The following ZBED4 variants were observed in gnomAD, a reference collection of about 807,000 sequenced individuals.
The protein encoded by ZBED4 is zinc finger BED-type containing 4, also known as zinc finger BED domain-containing protein 4.
In ZBED4, 4 loss-of-function variants were observed where a neutral mutation model predicts 15.5. That is an observed-to-expected ratio of 0.26 (90% CI 0.13 to 0.59). The LOEUF is 0.59. Among genes scored for constraint, ZBED4 ranks in the 20% least tolerant of loss-of-function variants. The pLI is 0.90. For missense variants in ZBED4, 1,323 were observed against 1,461.8 expected, an observed-to-expected ratio of 0.91 and a Z score of 1.55; for synonymous variants, 692 against 608.5, an observed-to-expected ratio of 1.14 and a Z score of -2.02.
chr22:49,860,981 G>C (rs1398178959), intron 1 of ZBED4, among the ~76,000 whole-genome samples: 1 of 107,746 alleles, frequency 9.3e-6, no homozygotes, highest in Non-Finnish European at 2.1e-5. Flanking sequence ...GTTTCACTAT[G>C]TTGCCCAGGC....
Position 49,886,939 on chromosome 22 carries a change from G to A in ZBED4, c.3277G>A (p.Val1093Met), listed in dbSNP as rs749652395. ...AMVLAYLEEE[V>M]LEHSCDPLTY... Reference sequence around the variant, plus strand: ...GGTGCTTGCGTATCTGGAGGAGGAGGTGCTTGAACACAGCTGTGACCCGCT... The same window carrying A: ...GGTGCTTGCGTATCTGGAGGAGGAGATGCTTGAACACAGCTGTGACCCGCT... The change falls in exon 2 of 2, where the codon GTG becomes ATG. Residue 1093 changes from valine to methionine, a missense_variant. Physicochemically the swap from Val to Met is conservative, Grantham distance 21. Around this residue, in one of 6 missense-constraint regions of ZBED4, gnomAD observed 312 missense variants for 410.7 expected, o/e 0.76. Coordinates refer to ENST00000216268, the MANE Select transcript of ZBED4 (RefSeq NM_014838.3). The surrounding 1 kb of genome is among the most constrained non-coding windows in gnomAD (Gnocchi z 7.7). The A allele has an allele frequency of 1.9e-5, 31 of 1,613,982 alleles. No homozygotes were observed. Among genetic ancestry groups the A allele is most frequent in the Non-Finnish European group, 2.5e-5 (29 of 1,180,028 alleles).
chr22:49,879,954 T>A (rs1294766493), intron 1 of ZBED4, among the ~76,000 whole-genome samples: 1 of 149,258 alleles, frequency 6.7e-6, no homozygotes, highest in East Asian at 2.0e-4. Context: ...TTGGTTGGTT[T>A]TTCTCCTGGT....
At chr22:49,863,091 A>G (rs969018172) in intron 1 of ZBED4, among the ~76,000 whole-genome samples, 2 of 152,154 alleles carry the variant, frequency 1.3e-5, no homozygotes, top group African/African-American at 4.8e-5. Context: ...GGACTCGTGC[A>G]TCTCACGGTC....
chr22:49,874,471 T>G (rs765906398), intron 1 of ZBED4, among the ~76,000 whole-genome samples: 1 of 151,370 alleles, frequency 6.6e-6, no homozygotes, highest in Admixed American at 6.6e-5. Context: ...CTGCAACTTC[T>G]GCCTCCCAGG....
intron 1 of ZBED4, among the ~76,000 whole-genome samples, chr22:49,869,772 G>A (rs757546857): frequency 1.3e-5 from 2 of 152,134 alleles, no homozygotes; most frequent in African/African-American, 2.4e-5. Flanking sequence ...CATTTCATCT[G>A]TGTCCTCCAC....
chr22:49,871,717 C>T (rs2060348492), intron 1 of ZBED4, among the ~76,000 whole-genome samples: 1 of 151,132 alleles, frequency 6.6e-6, no homozygotes, highest in South Asian at 2.1e-4. Flanking sequence ...GTGCAGATTG[C>T]TGAAGGGTGG....
In ZBED4 at chr22:49,888,941, C is replaced by T. The variant is rs2060454090; in HGVS notation, c.*1763C>T. On this transcript the variant is annotated 3_prime_UTR_variant, in exon 2 of 2. Transcript: ENST00000216268. Reference sequence around the variant, plus strand: ...GGAGGGAGCCACAGTTCTTGCTTAGCTGTGCTCACGACCAGCTTGCAGTCC... The same window carrying T: ...GGAGGGAGCCACAGTTCTTGCTTAGTTGTGCTCACGACCAGCTTGCAGTCC... 6.0e-6 allele frequency: 1 copy of T among 167,278 alleles called. No individual in the cohort carries two copies. The highest frequency in any genetic ancestry group is 2.4e-5 in the African/African-American group (1 of 41,458). 10.4% of individuals were successfully genotyped at this position (167,278 alleles called of 1,614,324 possible). A position where few individuals can be genotyped will look rare whatever the true frequency, so the allele number is the denominator to read the frequency against.
intron 1 of ZBED4, among the ~76,000 whole-genome samples, chr22:49,859,441 C>G (rs910596007): frequency 6.6e-6 from 1 of 152,098 alleles, no homozygotes; most frequent in Non-Finnish European, 1.5e-5. Flanking sequence ...GCCCCTGTGT[C>G]CTTTTCACTC....
intron 1 of ZBED4, among the ~76,000 whole-genome samples, chr22:49,880,535 A>G (rs1455644674): frequency 6.6e-6 from 1 of 152,098 alleles, no homozygotes; most frequent in Non-Finnish European, 1.5e-5. Context: ...TTCTGTGATC[A>G]CTGTCCTGTG....
intron 1 of ZBED4, among the ~76,000 whole-genome samples, chr22:49,880,547 TTTCTC>T (rs1326305918): frequency 6.6e-6 from 1 of 152,236 alleles, no homozygotes; most frequent in African/African-American, 2.4e-5. Flanking sequence ...TGTCCTGTGC[TTTCTC>T]TTCTCTCTCA....
intron 1 of ZBED4, among the ~76,000 whole-genome samples, chr22:49,864,944 C>CCG (rs1195668471): frequency 3.5e-5 from 3 of 85,940 alleles, no homozygotes; most frequent in African/African-American, 9.7e-5. Context: ...CAAGCCCCCC[C>CCG]CCCCCCCCGT....
At chr22:49,860,695 T>C (rs1379633521) in intron 1 of ZBED4, among the ~76,000 whole-genome samples, 1 of 152,240 alleles carries the variant, frequency 6.6e-6, no homozygotes, top group African/African-American at 2.4e-5. Flanking sequence ...TTTTACAAAT[T>C]TTATGTACAA....
At chr22:49,862,837 G>A (rs1440434968) in intron 1 of ZBED4, among the ~76,000 whole-genome samples, 1 of 151,414 alleles carries the variant, frequency 6.6e-6, no homozygotes, top group East Asian at 1.9e-4. Context: ...GAGTAACTGG[G>A]ATTACAGGTG....
At chr22:49,854,294 G>GGGGCTC (rs1389761853) in intron 1 of ZBED4, among the ~76,000 whole-genome samples, 3 of 150,776 alleles carry the variant, frequency 2.0e-5, no homozygotes, top group Admixed American at 2.0e-4. Flanking sequence ...CGGACGGGAC[G>GGGGCTC]GGGCTCGGGC....
chr22:49,889,329 A>G lies in ZBED4; in HGVS notation c.*2151A>G, dbSNP rs889714109. ...GTGTCTTGGCTACTTTCAGGCTGCG[A>G]CGGGAGAACTGAATAGTTGTGACAG... On this transcript the variant is annotated 3_prime_UTR_variant, in exon 2 of 2. Transcript: ENST00000216268. 2 of 167,086 alleles carry G rather than the reference A, an allele frequency of 1.2e-5. No individual in the cohort carries two copies. The highest frequency in any genetic ancestry group is 2.4e-5 in the African/African-American group (1 of 41,456). The allele number at this position is 167,086 out of a possible 1,614,324, so 10.4% of individuals were successfully genotyped here. A position where few individuals can be genotyped will look rare whatever the true frequency, so the allele number is the denominator to read the frequency against.
intron 1 of ZBED4, among the ~76,000 whole-genome samples, chr22:49,879,991 G>A (rs942861366): frequency 2.0e-5 from 3 of 151,296 alleles, no homozygotes; most frequent in East Asian, 2.0e-4. Flanking sequence ...CCGCTTCATC[G>A]CAGGTCTGGT....
At chr22:49,862,324 G>C (rs1218153288) in intron 1 of ZBED4, among the ~76,000 whole-genome samples, 1 of 152,222 alleles carries the variant, frequency 6.6e-6, no homozygotes, top group African/African-American at 2.4e-5. Context: ...GCTGAGACTG[G>C]AATTGATCTC....
At chr22:49,878,357 A>G (rs991381698) in intron 1 of ZBED4, among the ~76,000 whole-genome samples, 11 of 151,990 alleles carry the variant, frequency 7.2e-5, no homozygotes, top group Admixed American at 5.3e-4. Flanking sequence ...TCTCAAGAGT[A>G]ATAATAACTG....
intron 1 of ZBED4, among the ~76,000 whole-genome samples, chr22:49,865,493 CA>C (rs112541192): frequency 6.7e-4 from 97 of 144,598 alleles, no homozygotes; most frequent in African/African-American, 1.6e-3. Context: ...TATTAAAATA[CA>C]AAAAAAAAAA....
Sources: gnomAD v4.1 joint callset for allele counts (sites outside exome capture counted in the v4.1 genomes callset) on GRCh38, gnomAD v4.1.1 for gene constraint, gnomAD v4.1.1 regional missense constraint, Gnocchi (gnomAD v3.1) non-coding constraint, MANE v1.5 for transcripts, NCBI Gene and HGNC (gene_info 2026-07-23, HGNC 2026-07-21) for gene names.